PFKL: variants seen among roughly 807,000 people sequenced by gnomAD.
PFKL encodes phosphofructokinase, liver type.
PFKL carries 74 observed loss-of-function variants against 92.1 expected under a neutral mutation model. That is an observed-to-expected ratio of 0.80 (90% CI 0.67 to 0.97). PFKL has a LOEUF of 0.97. Among genes scored for constraint, PFKL ranks in the 50% least tolerant of loss-of-function variants. The pLI is 0.00. For missense variants in PFKL, 1,028 were observed against 1,116.6 expected (o/e 0.92, Z 1.13); for synonymous variants, 494 against 456.4 (o/e 1.08, Z -1.05).
chr21:44,316,197 C>T (rs2047199292), intron 7 of PFKL, 47 bp from the exon 8 acceptor site: 2 of 1,574,638 alleles, frequency 1.3e-6, no homozygotes, highest in Non-Finnish European at 1.7e-6. Flanking sequence ...GTGTCCGGGG[C>T]AGGTTTCCCT....
intron 16 of PFKL, 103 bp downstream of exon 16, chr21:44,324,021 G>C: frequency 4.4e-6 from 6 of 1,373,652 alleles, no homozygotes; most frequent in South Asian, 3.7e-5. Flanking sequence ...GAGCACCTGG[G>C]AGGGCTGCCA....
At chr21:44,307,186 G>T (rs2040975295) in intron 2 of PFKL, 1 of 743,546 alleles carries the variant, frequency 1.3e-6, no homozygotes, top group Admixed American at 6.3e-5. Context: ...CCAGCCTCCT[G>T]CCTCACCACC....
chr21:44,300,109 G>A lies in PFKL; in HGVS notation c.4G>A (p.Ala2Thr), dbSNP rs760491264. The A allele has an allele frequency of 8.6e-7, 1 of 1,162,278 alleles. No individual in the cohort carries two copies. Among genetic ancestry groups the A allele is most frequent in the South Asian group, 1.9e-5 (1 of 52,608 alleles). The allele number at this position is 1,162,278 out of a possible 1,614,324, so 72.0% of individuals were successfully genotyped here. The change falls in exon 1 of 22, where the codon GCC becomes ACC. Residue 2 changes from alanine to threonine, a missense_variant. Transcript: ENST00000349048. MAAVDLEKLRAS... is the reference protein window; with the variant it reads MTAVDLEKLRAS... ...GGCCCGTGTTTCGGCCGCCGCCATGGCCGCGGTGGACCTGGAGAAGCTGCG... is the reference window on the plus strand; with the variant it reads ...GGCCCGTGTTTCGGCCGCCGCCATGACCGCGGTGGACCTGGAGAAGCTGCG...
chr21:44,317,346 C>T lies in PFKL; in HGVS notation c.936+822C>T, dbSNP rs992090259. Among the ~76,000 whole-genome samples the T allele has an allele frequency of 7.2e-5, 11 of 152,230 alleles. No individual in the cohort carries two copies. The East Asian group carries it at 9.6e-4, about 13-fold the overall frequency. ...TTCCCAGGGAACCCACACAGCTGGA[C>T]GAGGGCCACTCTATAGAGGGGAGGC... On this transcript the variant is annotated intron_variant, in intron 9 of 21. Transcript: ENST00000349048.
At chr21:44,307,850 G>C (rs2040998497) in intron 2 of PFKL, among the ~76,000 whole-genome samples, 1 of 152,224 alleles carries the variant, frequency 6.6e-6, no homozygotes, top group African/African-American at 2.4e-5. Flanking sequence ...TCGACCTTCA[G>C]TTTCTTCTTC....
At chr21:44,307,735 C>T (rs2146435208) in intron 2 of PFKL, among the ~76,000 whole-genome samples, 1 of 152,326 alleles carries the variant, frequency 6.6e-6, no homozygotes, top group East Asian at 1.9e-4. Flanking sequence ...TGGGGCCCTG[C>T]CAGTATTGGA....
chr21:44,305,910 C>T (rs1408057371), intron 1 of PFKL: 1 of 1,363,722 alleles, frequency 7.3e-7, no homozygotes, highest in Admixed American at 1.9e-5. Flanking sequence ...AGCCTGGTGG[C>T]ACCAGCATCA....
At chr21:44,322,797 TGTGTGTCCCTCTCC>T (rs1240154095) in intron 14 of PFKL, among the ~76,000 whole-genome samples, 151 bp from the exon 15 acceptor site, 1 of 150,012 alleles carries the variant, frequency 6.7e-6, no homozygotes, top group Non-Finnish European at 1.5e-5. Flanking sequence ...ACGCTGGGCC[TGTGTGTCCCTCTCC>T]GTGTGGAGCC....
At chr21:44,304,342 C>T (rs1419501967) in intron 1 of PFKL, 6 of 1,287,830 alleles carry the variant, frequency 4.7e-6, no homozygotes, top group Admixed American at 2.3e-5. Context: ...CGCCCAGTGG[C>T]ACATTGACTC....
At chr21:44,324,804 G>A (rs1419529189) in intron 17 of PFKL, 52 bp from the exon 18 acceptor site, 1 of 1,592,498 alleles carries the variant, frequency 6.3e-7, no homozygotes, top group African/African-American at 1.3e-5. Context: ...CGGTCAGCCT[G>A]GAATTCCCTC....
At chr21:44,304,431 C>T in intron 1 of PFKL, 1 of 1,219,954 alleles carries the variant, frequency 8.2e-7, no homozygotes, top group Non-Finnish European at 1.0e-6. Context: ...TCTCCTTGCC[C>T]TGCCTCAGCT....
At chr21:44,311,721 A>T in intron 3 of PFKL, among the ~76,000 whole-genome samples, 1 of 152,110 alleles carries the variant, frequency 6.6e-6, no homozygotes, top group African/African-American at 2.4e-5. Context: ...GCGCACCTGG[A>T]GCTGCTGAGG....
intron 1 of PFKL, chr21:44,304,354 G>A (rs113078784): frequency 3.9e-6 from 5 of 1,286,638 alleles, no homozygotes; most frequent in East Asian, 1.1e-4. Flanking sequence ...CATTGACTCC[G>A]CCTGGAGCTG....
At chr21:44,323,963 G>C (rs1472111068) in intron 16 of PFKL, 45 bp downstream of exon 16, 3 of 1,609,312 alleles carry the variant, frequency 1.9e-6, no homozygotes, top group Admixed American at 1.7e-5. Flanking sequence ...AGGCCCTTGT[G>C]GGGTGGGGCT....
intron 7 of PFKL, 190 bp from the exon 8 acceptor site, chr21:44,316,054 G>T (rs570146905): frequency 6.1e-5 from 37 of 607,776 alleles, no homozygotes; most frequent in East Asian, 5.0e-4. Flanking sequence ...AGGGCGGGGC[G>T]TCCTAGTGGG....
intron 18 of PFKL, 35 bp from the exon 19 acceptor site, chr21:44,325,118 G>T: frequency 6.8e-7 from 1 of 1,468,200 alleles, no homozygotes; most frequent in African/African-American, 1.4e-5. Flanking sequence ...ACCTGAACTC[G>T]TTCCCGCCGA....
chr21:44,306,857 G>A, intron 2 of PFKL, 103 bp downstream of exon 2: 1 of 1,032,656 alleles, frequency 9.7e-7, no homozygotes, highest in Non-Finnish European at 1.5e-6. Context: ...GGGTGGTCCT[G>A]GCCTGGAGGA....
rs924332570 is a variant in PFKL, at chr21:44,306,060, G to A, written c.86-621G>A. 4.2e-5 allele frequency: 35 copies of A among 826,506 alleles called. No individual in the cohort carries two copies. The East Asian group carries it at 7.1e-4, about 17-fold the overall frequency. The allele number at this position is 826,506 out of a possible 1,614,324, so 51.2% of individuals were successfully genotyped here. ...GGAGCCCAAGCCCCTTCCAGCAGGT[G>A]CTTTCCTCAGTGCCCAGAGGTGCTC... On this transcript the variant is annotated intron_variant, in intron 1 of 21. Coordinates refer to ENST00000349048, the MANE Select transcript of PFKL (RefSeq NM_002626.6).
At chr21:44,314,166 G>T in intron 7 of PFKL, 145 bp downstream of exon 7, 3 of 644,760 alleles carry the variant, frequency 4.7e-6, no homozygotes, top group South Asian at 1.8e-5. Context: ...GGCGGGACAC[G>T]CAAGGAGTGG....
Sources: allele counts gnomAD v4.1 joint callset (sites outside exome capture counted in the v4.1 genomes callset), GRCh38; gene constraint gnomAD v4.1.1; transcripts MANE v1.5; gene names NCBI Gene and HGNC (gene_info 2026-07-23, HGNC 2026-07-21).